The following PCDH15 variants were observed in gnomAD, a reference collection of about 807,000 sequenced individuals.
PCDH15 encodes protocadherin-15.
PCDH15 carries 129 observed loss-of-function variants against 178.5 expected under a neutral mutation model. The observed-to-expected ratio is 0.72, with a 90% confidence interval of 0.63 to 0.84. The LOEUF is 0.84. PCDH15 is among the 40% of genes least tolerant of loss of function. PCDH15 has a pLI of 0.00. For missense variants in PCDH15, 2,230 were observed against 2,099.9 expected, an observed-to-expected ratio of 1.06 and a Z score of -1.21; for synonymous variants, 800 against 732.0, an observed-to-expected ratio of 1.09 and a Z score of -1.50.
Position 53,972,888 on chromosome 10 carries a change from C to T in PCDH15, c.2869-10996G>A, listed in dbSNP as rs548690153. On this transcript the variant is annotated intron_variant, in intron 21 of 37. Coordinates refer to ENST00000644397, the MANE Select transcript of PCDH15 (RefSeq NM_001384140.1). ...CATTGTGGAAGACAGTGTGGCGATT[C>T]CTCAAGGATCTAGAACTAGAAATAC... Among the ~76,000 whole-genome samples the T allele has an allele frequency of 9.2e-5, 14 of 152,236 alleles. No homozygotes were observed. In the South Asian group the frequency reaches 2.5e-3, roughly 27 times the overall value.
chr10:54,645,559 T>C (rs771552969), intron 2 of PCDH15, among the ~76,000 whole-genome samples: 5 of 152,100 alleles, frequency 3.3e-5, no homozygotes, highest in Non-Finnish European at 7.4e-5. Flanking sequence ...TGCCAGATAC[T>C]TTAATAAAAT....
At chr10:54,589,301 C>A (rs879317774) in intron 2 of PCDH15, among the ~76,000 whole-genome samples, 1 of 152,038 alleles carries the variant, frequency 6.6e-6, no homozygotes, top group African/African-American at 2.4e-5. Flanking sequence ...TATTTCTGTT[C>A]CCTCTCCCTG....
At chr10:54,297,406 C>T (rs537692967) in intron 8 of PCDH15, among the ~76,000 whole-genome samples, 2 of 152,264 alleles carry the variant, frequency 1.3e-5, no homozygotes, top group South Asian at 4.1e-4. Flanking sequence ...TATCCTGCAG[C>T]TTGACTTTTT....
intron 2 of PCDH15, among the ~76,000 whole-genome samples, chr10:55,028,041 G>C (rs1466043873): frequency 2.0e-5 from 3 of 151,704 alleles, no homozygotes; most frequent in Non-Finnish European, 4.4e-5. Flanking sequence ...CTCAAGCAAA[G>C]GTCAATATCA....
intron 2 of PCDH15, among the ~76,000 whole-genome samples, chr10:54,584,047 T>C (rs556844365): frequency 9.2e-5 from 14 of 152,084 alleles, no homozygotes; most frequent in Non-Finnish European, 1.6e-4. Flanking sequence ...AAGAAAGGTG[T>C]TTACTTTTAA....
chr10:55,559,065 T>A (rs1311418672), intron 2 of PCDH15, among the ~76,000 whole-genome samples: 2 of 152,058 alleles, frequency 1.3e-5, no homozygotes, highest in Non-Finnish European at 2.9e-5. Context: ...AACCATAGAT[T>A]TCTTGTAAGC....
chr10:54,615,941 A>G (rs901141310), intron 2 of PCDH15, among the ~76,000 whole-genome samples: 3 of 152,094 alleles, frequency 2.0e-5, no homozygotes, highest in African/African-American at 7.2e-5. Flanking sequence ...GGATTGGTAC[A>G]GACACTGGTG....
chr10:54,462,631 C>T (rs1453121121), intron 3 of PCDH15, among the ~76,000 whole-genome samples: 1 of 142,624 alleles, frequency 7.0e-6, no homozygotes, highest in Non-Finnish European at 1.5e-5. Flanking sequence ...TCTCCTGCCT[C>T]AGCCTTCCCC....
chr10:54,013,572 G>A (rs1589912326), intron 20 of PCDH15, among the ~76,000 whole-genome samples: 1 of 152,068 alleles, frequency 6.6e-6, no homozygotes, highest in South Asian at 2.1e-4. Flanking sequence ...TCTGAACATG[G>A]TGCAATAAAA....
chr10:55,521,823 A>C (rs1841182888), intron 2 of PCDH15, among the ~76,000 whole-genome samples: 1 of 151,960 alleles, frequency 6.6e-6, no homozygotes, highest in Admixed American at 6.6e-5. Flanking sequence ...ATCATAGTGT[A>C]GGATAGCCTA....
At chr10:55,476,058 T>C (rs751917588) in intron 2 of PCDH15, among the ~76,000 whole-genome samples, 1 of 152,084 alleles carries the variant, frequency 6.6e-6, no homozygotes, top group East Asian at 1.9e-4. Flanking sequence ...CACACTACAA[T>C]GTAGGCTCCA....
chr10:55,462,766 T>G (rs1026748076), intron 2 of PCDH15, among the ~76,000 whole-genome samples: 1 of 152,130 alleles, frequency 6.6e-6, no homozygotes, highest in African/African-American at 2.4e-5. Context: ...TTCAACAAAT[T>G]TAATAAGCCT....
At position 55,436,144 on chromosome 10, in the gene PCDH15, C is replaced by T. The variant is rs576376870; in HGVS notation, c.-156+191481G>A. Among the ~76,000 whole-genome samples, 145 of 152,114 alleles carry T rather than the reference C, an allele frequency of 9.5e-4. 1 individual carries two copies. Among genetic ancestry groups the T allele is most frequent in the Non-Finnish European group, 6.5e-4 (44 of 67,918 alleles). On this transcript the variant is annotated intron_variant, in intron 2 of 5. Transcript: ENST00000613346. ...ATTAAAGTGATTAACATATATCCAA[C>T]CTAGTTAAGGAGTTTGATATTACTG...
chr10:54,639,240 T>C (rs1243835470), intron 2 of PCDH15, among the ~76,000 whole-genome samples: 3 of 152,198 alleles, frequency 2.0e-5, no homozygotes, highest in Admixed American at 1.3e-4. Flanking sequence ...CTTTGAAAGT[T>C]AATATTATTT....
intron 2 of PCDH15, among the ~76,000 whole-genome samples, chr10:54,559,473 A>C (rs2087763462): frequency 6.6e-6 from 1 of 152,082 alleles, no homozygotes; most frequent in South Asian, 2.1e-4. Flanking sequence ...AACAAGCCAT[A>C]GGTCTGAAAA....
In PCDH15 at chr10:53,881,365, C is replaced by A. The variant is rs561296022; in HGVS notation, c.3502-14508G>T. ...TTACCTAATGGGTACACTATTAGGG[C>A]GATGGTTACAGTAAAATTGGGAATT... On this transcript the variant is annotated intron_variant, in intron 26 of 37. Coordinates refer to ENST00000644397, the MANE Select transcript of PCDH15 (RefSeq NM_001384140.1). Among the ~76,000 whole-genome samples the A allele has an allele frequency of 1.9e-4, 29 of 152,038 alleles. No individual in the cohort carries two copies. The South Asian group carries it at 5.6e-3, about 29-fold the overall frequency.
chr10:55,601,102 A>C (rs1290534830), intron 2 of PCDH15, among the ~76,000 whole-genome samples: 1 of 152,114 alleles, frequency 6.6e-6, no homozygotes, highest in Non-Finnish European at 1.5e-5. Flanking sequence ...CTCCATGTAC[A>C]AGAACCTCAC....
At chr10:54,036,427 A>G (rs2135470737) in intron 18 of PCDH15, among the ~76,000 whole-genome samples, 1 of 151,966 alleles carries the variant, frequency 6.6e-6, no homozygotes, top group South Asian at 2.1e-4. Context: ...TGAAAATCCT[A>G]GTGCACTTAA....
chr10:54,086,458 T>C (rs117662993), intron 16 of PCDH15, among the ~76,000 whole-genome samples: 2 of 152,174 alleles, frequency 1.3e-5, no homozygotes, highest in African/African-American at 2.4e-5. Flanking sequence ...ATCCAAACTA[T>C]AGCAGTACCT....
Sources: gnomAD v4.1 joint callset for allele counts (sites outside exome capture counted in the v4.1 genomes callset) on GRCh38, gnomAD v4.1.1 for gene constraint, MANE v1.5 for transcripts, NCBI Gene and HGNC (gene_info 2026-07-23, HGNC 2026-07-21) for gene names.